VAV2: variants seen among roughly 807,000 people sequenced by gnomAD.
The protein encoded by VAV2 is vav guanine nucleotide exchange factor 2, also known as guanine nucleotide exchange factor VAV2.
In VAV2, 67 loss-of-function variants were observed where a neutral mutation model predicts 132.5. The observed-to-expected ratio is 0.51, with a 90% CI of 0.42 to 0.62. The LOEUF (loss-of-function observed/expected upper bound fraction) is 0.62. Ranked by LOEUF, VAV2 falls within the 20% of genes least tolerant of loss-of-function variation. The pLI is 0.00. For synonymous variants in VAV2, 492 were observed against 443.5 expected (o/e 1.11, Z -1.37); for missense variants, 938 against 1,153.6 (o/e 0.81, Z 2.71).
intron 2 of VAV2, among the ~76,000 whole-genome samples, chr9:133,909,821 C>T (rs2132039024): frequency 6.6e-6 from 1 of 152,286 alleles, no homozygotes. Context: ...CTCTTACATC[C>T]CAAAACACAT....
chr9:133,777,177 G>A (rs895176481), intron 23 of VAV2, among the ~76,000 whole-genome samples: 4 of 152,068 alleles, frequency 2.6e-5, no homozygotes, highest in African/African-American at 7.2e-5. Flanking sequence ...ACACCCGATC[G>A]GCTGAGCCCT....
intron 2 of VAV2, among the ~76,000 whole-genome samples, chr9:133,917,322 C>T (rs73550709): frequency 0.084 from 12,768 of 152,056 alleles, 1,742 homozygotes; most frequent in African/African-American, 0.29. Flanking sequence ...TTACCTACGC[C>T]GACAGGGACA....
Position 133,938,991 on chromosome 9 carries a change from GCT to G in VAV2, c.321+110_321+111del, listed in dbSNP as rs1588144379. 3 of 969,388 alleles carry G rather than the reference GCT, an allele frequency of 3.1e-6. No individual in the cohort carries two copies. The East Asian group carries it at 7.2e-5, about 23-fold the overall frequency. The allele number at this position is 969,388 out of a possible 1,614,324, so 60.0% of individuals were successfully genotyped here. On this transcript the variant is annotated intron_variant, in intron 2 of 29. Transcript: ENST00000371850. ...GACATGAGGGTGCAGAAATCCACTG[GCT>G]CTGTGTTGGAGCCAATCAGGCTGCT...
chr9:133,968,045 G>T (rs765108350), intron 1 of VAV2, among the ~76,000 whole-genome samples: 4 of 151,566 alleles, frequency 2.6e-5, no homozygotes. Context: ...GGACATCAGA[G>T]ACTGGGTGGG....
In VAV2 at chr9:133,785,761, C is replaced by T. The variant is rs539578020; in HGVS notation, c.1532+15G>A. On this transcript the variant is annotated intron_variant, in intron 17 of 29. Coordinates refer to ENST00000371850, the MANE Select transcript of VAV2 (RefSeq NM_001134398.2). ...CATCTGCCAGGGACCTGGGGGCTGC[C>T]GCCCTGGAACTCACATGGCCATCTC... is the stretch of plus-strand genomic sequence containing the variant. 30 of 1,611,846 alleles carry T rather than the reference C, an allele frequency of 1.9e-5. No individual in the cohort carries two copies. The highest frequency in any genetic ancestry group is 1.2e-4 in the African/African-American group (9 of 75,002).
At chr9:133,781,442 CCA>C (rs1184964309) in intron 19 of VAV2, among the ~76,000 whole-genome samples, 2 of 152,240 alleles carry the variant, frequency 1.3e-5, no homozygotes, top group African/African-American at 2.4e-5. Context: ...ACAGAGGTAT[CCA>C]CAGACACCAC....
intron 7 of VAV2, among the ~76,000 whole-genome samples, chr9:133,807,662 A>G (rs1215037358): frequency 6.6e-6 from 1 of 152,202 alleles, no homozygotes; most frequent in Non-Finnish European, 1.5e-5. Context: ...CCCAGGAGGC[A>G]GGGCCATCAC....
chr9:133,907,791 A>G (rs61642918), intron 2 of VAV2, among the ~76,000 whole-genome samples: 7,169 of 152,186 alleles, frequency 0.047, 512 homozygotes, highest in African/African-American at 0.15. Context: ...AATGCCAGTC[A>G]TTGGCAGTCC....
intron 4 of VAV2, among the ~76,000 whole-genome samples, chr9:133,813,096 AC>A (rs1012150236): frequency 1.1e-4 from 17 of 151,022 alleles, no homozygotes; most frequent in Non-Finnish European, 2.4e-4. Flanking sequence ...CAATCCAACC[AC>A]CCCCTGTTCC....
chr9:133,978,291 C>T (rs552983506), intron 1 of VAV2, among the ~76,000 whole-genome samples: 362 of 152,300 alleles, frequency 2.4e-3, no homozygotes, highest in Middle Eastern at 0.017. Flanking sequence ...GAAAGGATCC[C>T]CCTGTGGAAG....
intron 19 of VAV2, 137 bp from the exon 20 acceptor site, chr9:133,780,847 T>G: frequency 1.0e-6 from 1 of 997,544 alleles, no homozygotes; most frequent in Non-Finnish European, 1.3e-6. Flanking sequence ...TGGTCTGTTT[T>G]GGACATGGAT....
rs148699727 is a variant in VAV2, at chr9:133,825,084, C to T, written c.449+9188G>A. 4.8e-3 allele frequency among the ~76,000 whole-genome samples: 733 copies of T among 152,042 alleles called. 5 individuals are homozygous for T. The highest frequency in any genetic ancestry group is 0.016 in the African/African-American group (658 of 41,456). On this transcript the variant is annotated intron_variant, in intron 4 of 29. Transcript: ENST00000371850. ...GGAGAAGCCCAGGTGGGGCCGAGCA[C>T]GCAGTCTTAAAGGGTCTGTTGTGCA... is the stretch of plus-strand genomic sequence containing the variant.
Position 133,884,462 on chromosome 9 carries a change from G to A in VAV2, c.322-23030C>T, listed in dbSNP as rs1838622460. On this transcript the variant is annotated intron_variant, in intron 2 of 29. Coordinates refer to ENST00000371850, the MANE Select transcript of VAV2 (RefSeq NM_001134398.2). The surrounding 1 kb of genome is among the most constrained non-coding windows in gnomAD (Gnocchi z 5.3). ...CACACTTTGTCAATTAATTAGGGAG[G>A]GGGGTGCCAGCCTGGGGGGCGTGGT... Among the ~76,000 whole-genome samples the A allele has an allele frequency of 6.6e-6, 1 of 152,246 alleles. No individual in the cohort carries two copies. Among genetic ancestry groups the A allele is most frequent in the South Asian group, 2.1e-4 (1 of 4,826 alleles).
chr9:133,892,094 G>A (rs1223574723), intron 2 of VAV2, among the ~76,000 whole-genome samples: 2 of 123,816 alleles, frequency 1.6e-5, no homozygotes, highest in African/African-American at 6.3e-5. Flanking sequence ...GGGGGAAGGA[G>A]AGGGATGGGG....
intron 4 of VAV2, among the ~76,000 whole-genome samples, chr9:133,816,501 C>T (rs943145705): frequency 2.6e-5 from 4 of 152,194 alleles, no homozygotes; most frequent in Non-Finnish European, 5.9e-5. Context: ...AATTTATGTG[C>T]GTGGTATGAA....
intron 1 of VAV2, among the ~76,000 whole-genome samples, chr9:133,982,729 A>C (rs1842737830): frequency 6.6e-6 from 1 of 152,210 alleles, no homozygotes; most frequent in South Asian, 2.1e-4. Context: ...GGTTTTGTAC[A>C]TCCTGCAAGC....
chr9:133,836,634 A>C (rs1353789653), intron 3 of VAV2, among the ~76,000 whole-genome samples: 2 of 152,238 alleles, frequency 1.3e-5, no homozygotes, highest in Non-Finnish European at 2.9e-5. Flanking sequence ...AGAAAATACC[A>C]AACTCCTGAG....
chr9:133,945,976 C>A (rs1490171741), intron 1 of VAV2, among the ~76,000 whole-genome samples: 1 of 152,248 alleles, frequency 6.6e-6, no homozygotes, highest in Non-Finnish European at 1.5e-5. Flanking sequence ...TGCCCTCTGA[C>A]TCCCACGATG....
chr9:133,951,127 G>C (rs1038958658), intron 1 of VAV2, among the ~76,000 whole-genome samples: 2 of 152,200 alleles, frequency 1.3e-5, no homozygotes, highest in Non-Finnish European at 2.9e-5. Flanking sequence ...TCCCAAGCAG[G>C]GGGGTAAAAC....
Sources: allele counts gnomAD v4.1 joint callset (sites outside exome capture counted in the v4.1 genomes callset), GRCh38; gene constraint gnomAD v4.1.1; non-coding constraint Gnocchi (gnomAD v3.1); transcripts MANE v1.5; gene names NCBI Gene and HGNC (gene_info 2026-07-23, HGNC 2026-07-21).